The following CSTPP1 variants were observed in gnomAD, a reference collection of about 807,000 sequenced individuals.
CSTPP1 encodes centriolar satellite-associated tubulin polyglutamylase complex regulator 1, also known as UPF0705 protein C11orf49.
chr11:46,976,331 C>T, the CSTPP1 span, among the ~76,000 whole-genome samples: 27 of 151,942 alleles, frequency 1.8e-4, no homozygotes, highest in African/African-American at 6.3e-4. Flanking sequence ...AGTGACACTT[C>T]AGTGGTCCTG....
chr11:47,033,237 TGC>T, the CSTPP1 span, among the ~76,000 whole-genome samples: 1 of 148,190 alleles, frequency 6.7e-6, no homozygotes, highest in South Asian at 2.2e-4. Flanking sequence ...TGATTTTTTT[TGC>T]CTTTTCATGT....
the CSTPP1 span, among the ~76,000 whole-genome samples, chr11:47,007,458 T>C: frequency 6.6e-6 from 1 of 152,326 alleles, no homozygotes; most frequent in African/African-American, 2.4e-5. Context: ...ATTCTAATTA[T>C]TGTATTTTTT....
chr11:47,112,410 C>A, the CSTPP1 span, among the ~76,000 whole-genome samples: 2 of 152,112 alleles, frequency 1.3e-5, no homozygotes, highest in African/African-American at 2.4e-5. Flanking sequence ...CAGCCTCTGC[C>A]TCCTGGGTTC....
chr11:47,095,323 C>T, the CSTPP1 span, among the ~76,000 whole-genome samples: 2 of 152,190 alleles, frequency 1.3e-5, no homozygotes, highest in Non-Finnish European at 2.9e-5. Flanking sequence ...TTGTCCAACT[C>T]CAGTTCCTAC....
At chr11:47,024,387 T>C in the CSTPP1 span, among the ~76,000 whole-genome samples, 1 of 152,138 alleles carries the variant, frequency 6.6e-6, no homozygotes, top group Non-Finnish European at 1.5e-5. Flanking sequence ...TTTTTTTTTT[T>C]TTAAACATTC....
At chr11:46,967,788 CTA>C in the CSTPP1 span, among the ~76,000 whole-genome samples, 415 of 149,326 alleles carry the variant, frequency 2.8e-3, 3 homozygotes, top group African/African-American at 9.3e-3. Context: ...AAATAGGAAA[CTA>C]TATTATTATT....
chr11:46,995,661 G>C, the CSTPP1 span, among the ~76,000 whole-genome samples: 16 of 152,124 alleles, frequency 1.1e-4, no homozygotes, highest in East Asian at 3.1e-3. Flanking sequence ...ATAATTTCTG[G>C]TGTTTTACAT....
At chr11:47,061,086 T>C in the CSTPP1 span, among the ~76,000 whole-genome samples, 1 of 152,334 alleles carries the variant, frequency 6.6e-6, no homozygotes. Flanking sequence ...CTTGCTTTTT[T>C]CCTTTCCTTT....
the CSTPP1 span, among the ~76,000 whole-genome samples, chr11:46,944,785 C>G: frequency 3.9e-5 from 6 of 152,168 alleles, no homozygotes; most frequent in Non-Finnish European, 8.8e-5. Context: ...TTAGCTCTCC[C>G]AGACTCCTCC....
At chr11:47,155,251 TTAC>T in the CSTPP1 span, 228 of 1,613,428 alleles carry the variant, frequency 1.4e-4, no homozygotes, top group Non-Finnish European at 1.9e-4. Flanking sequence ...AGATCCAGTT[TTAC>T]TACTCAGGTG....
the CSTPP1 span, among the ~76,000 whole-genome samples, chr11:46,955,973 C>T: frequency 2.2e-5 from 3 of 137,128 alleles, no homozygotes; most frequent in Admixed American, 7.6e-5. Context: ...GGCGACAGAG[C>T]GAGACTCCAT....
At chr11:47,016,469 A>G in the CSTPP1 span, among the ~76,000 whole-genome samples, 21 of 152,092 alleles carry the variant, frequency 1.4e-4, no homozygotes, top group Non-Finnish European at 2.6e-4. Flanking sequence ...ATATCAATAT[A>G]TAAAAATTGT....
chr11:47,082,669 C>T, the CSTPP1 span, among the ~76,000 whole-genome samples: 1 of 151,842 alleles, frequency 6.6e-6, no homozygotes, highest in South Asian at 2.1e-4. Context: ...TTCATCAAGC[C>T]CCCTCTGCCA....
the CSTPP1 span, among the ~76,000 whole-genome samples, chr11:47,034,854 C>T: frequency 6.6e-6 from 1 of 152,248 alleles, no homozygotes; most frequent in Non-Finnish European, 1.5e-5. Context: ...TCTTGGTTGG[C>T]AGATGCTACT....
chr11:47,104,894 T>G, the CSTPP1 span, among the ~76,000 whole-genome samples: 1 of 152,252 alleles, frequency 6.6e-6, no homozygotes, highest in Admixed American at 6.5e-5. Context: ...AGTTTACATC[T>G]GTTTGTCTCA....
At chr11:47,000,295 C>T in the CSTPP1 span, among the ~76,000 whole-genome samples, 16 of 152,218 alleles carry the variant, frequency 1.1e-4, no homozygotes, top group Admixed American at 2.0e-4. Context: ...CTTTTTGAGA[C>T]ATTGGAAAAT....
the CSTPP1 span, among the ~76,000 whole-genome samples, chr11:47,025,523 T>C: frequency 6.6e-6 from 1 of 152,204 alleles, no homozygotes; most frequent in Non-Finnish European, 1.5e-5. Context: ...CATATCATCT[T>C]GAATAAGAAC....
At chr11:47,112,204 A>G in the CSTPP1 span, among the ~76,000 whole-genome samples, 3 of 152,144 alleles carry the variant, frequency 2.0e-5, no homozygotes, top group African/African-American at 7.2e-5. Context: ...GAATTGAACC[A>G]CCAGTACCAC....
the CSTPP1 span, among the ~76,000 whole-genome samples, chr11:47,008,024 G>A: frequency 5.3e-5 from 8 of 152,070 alleles, no homozygotes; most frequent in Non-Finnish European, 1.2e-4. Context: ...CTGGAGTGCA[G>A]TGGAATGATC....
Sources: allele counts gnomAD v4.1 joint callset (sites outside exome capture counted in the v4.1 genomes callset), GRCh38; gene constraint gnomAD v4.1.1; transcripts MANE v1.5; gene names NCBI Gene and HGNC (gene_info 2026-07-23, HGNC 2026-07-21).